The following GSE1 variants were observed in gnomAD, a reference collection of about 807,000 sequenced individuals.
GSE1 encodes the protein genetic suppressor element 1.
A neutral mutation model predicts 112.6 loss-of-function variants in GSE1; 32 were observed. The observed-to-expected ratio is 0.28, with a 90% CI of 0.21 to 0.38. The LOEUF (loss-of-function observed/expected upper bound fraction) is 0.38, where lower values mean the gene tolerates loss of function less well. Ranked by LOEUF, GSE1 falls within the 10% of genes least tolerant of loss-of-function variation. GSE1 has a pLI of 1.00. For missense variants in GSE1, 2,348 were observed against 1,699.2 expected (o/e 1.38, Z -6.71); for synonymous variants, 1,115 against 735.6 (o/e 1.52, Z -8.35).
At chr16:85,209,652 G>T (rs2075190314) in intron 1 of GSE1, among the ~76,000 whole-genome samples, 1 of 152,204 alleles carries the variant, frequency 6.6e-6, no homozygotes, top group African/African-American at 2.4e-5. Flanking sequence ...TTCCCCGGCT[G>T]CTCAGCCCAC....
intron 1 of GSE1, among the ~76,000 whole-genome samples, chr16:85,297,264 T>C (rs894396527): frequency 3.3e-5 from 5 of 152,144 alleles, no homozygotes; most frequent in South Asian, 2.1e-4. Flanking sequence ...GCGTTGAAAA[T>C]TGGGGCTCAC....
At chr16:85,170,801 TCTC>T (rs1363830087) in exon 1 of GSE1, 4 of 985,360 alleles carry the variant, frequency 4.1e-6, no homozygotes, top group African/African-American at 3.5e-5. Flanking sequence ...GCCAGCTGCT[TCTC>T]CTCCCTCACG....
chr16:85,639,979 G>A (rs1320924638), intron 2 of GSE1, among the ~76,000 whole-genome samples: 2 of 152,184 alleles, frequency 1.3e-5, no homozygotes, highest in East Asian at 3.9e-4. Flanking sequence ...AAACAGTTGG[G>A]GGCGATCGTG....
chr16:85,325,055 C>T (rs558424631), intron 1 of GSE1, among the ~76,000 whole-genome samples: 10 of 152,274 alleles, frequency 6.6e-5, no homozygotes, highest in African/African-American at 2.2e-4. Context: ...ACAACCTCGA[C>T]CTCCTGGACT....
chr16:85,231,252 G>GGGAT (rs199974392), intron 1 of GSE1, among the ~76,000 whole-genome samples: 2 of 148,088 alleles, frequency 1.4e-5, no homozygotes, highest in African/African-American at 5.0e-5. Context: ...GCTGGACAGA[G>GGGAT]GGATGGATGG....
At chr16:85,565,539 C>T (rs1053376571) in intron 1 of GSE1, among the ~76,000 whole-genome samples, 8 of 152,294 alleles carry the variant, frequency 5.3e-5, no homozygotes, top group East Asian at 1.9e-4. Flanking sequence ...CCCACACCGG[C>T]GAGGGGCCCA....
chr16:85,294,463 G>A lies in GSE1; in HGVS notation c.2284-63000G>A, dbSNP rs191398307. 5.4e-3 allele frequency among the ~76,000 whole-genome samples: 820 copies of A among 152,290 alleles called. 3 individuals carry two copies. Among genetic ancestry groups the A allele is most frequent in the Non-Finnish European group, 9.9e-3 (672 of 68,038 alleles). On this transcript the variant is annotated intron_variant, in intron 1 of 2. Coordinates refer to the GSE1 transcript ENST00000637419. ...GTTCGTGTTCCGTCAATGGAGGGAG[G>A]TTGGTTCCAGGTTCTGCTATTACAG...
chr16:85,358,499 A>T (rs894011333), intron 2 of GSE1, among the ~76,000 whole-genome samples: 6 of 151,126 alleles, frequency 4.0e-5, no homozygotes, highest in African/African-American at 1.5e-4. Context: ...GGTGCCAACC[A>T]CAGTGAGGGC....
chr16:85,523,533 G>A (rs761303322), intron 2 of GSE1, among the ~76,000 whole-genome samples: 13 of 152,186 alleles, frequency 8.5e-5, no homozygotes, highest in Non-Finnish European at 1.8e-4. Context: ...CCAGGGCTGG[G>A]GCCAGGAAGG....
intron 2 of GSE1, among the ~76,000 whole-genome samples, chr16:85,422,843 C>A (rs966881434): frequency 2.6e-5 from 4 of 152,124 alleles, no homozygotes; most frequent in African/African-American, 9.7e-5. Context: ...GCGGCTGAAC[C>A]CTCTGGCTGC....
intron 2 of GSE1, among the ~76,000 whole-genome samples, chr16:85,503,260 G>C (rs368115960): frequency 1.3e-5 from 2 of 152,208 alleles, no homozygotes; most frequent in Non-Finnish European, 2.9e-5. Flanking sequence ...GTCACCACAC[G>C]GGTGTCTCAC....
At chr16:85,340,538 G>A (rs1301602564) in intron 1 of GSE1, among the ~76,000 whole-genome samples, 1 of 152,218 alleles carries the variant, frequency 6.6e-6, no homozygotes, top group Non-Finnish European at 1.5e-5. Flanking sequence ...ACACTCGGGA[G>A]GCTGAGGCAG....
At chr16:85,630,642 A>G (rs1016438524) in intron 1 of GSE1, among the ~76,000 whole-genome samples, 20 of 152,148 alleles carry the variant, frequency 1.3e-4, no homozygotes, top group Non-Finnish European at 1.8e-4. Flanking sequence ...TTACAGTTCA[A>G]CGTATCTTAG....
Position 85,379,318 on chromosome 16 carries a change from C to T in GSE1, c.2464+21675C>T, listed in dbSNP as rs889885493. Among the ~76,000 whole-genome samples, 6 of 152,216 alleles carry T rather than the reference C, an allele frequency of 3.9e-5. No homozygotes were observed. In the South Asian group the frequency reaches 8.3e-4, roughly 21 times the overall value. ...CTTCCAGAAAGGCAGAGTTTCCATCCGTTTTGCTCCTCTCCATCACCCCCA... is the reference window on the plus strand; with the variant it reads ...CTTCCAGAAAGGCAGAGTTTCCATCTGTTTTGCTCCTCTCCATCACCCCCA... On this transcript the variant is annotated intron_variant, in intron 2 of 2. Coordinates refer to the GSE1 transcript ENST00000637419.
At chr16:85,568,457 G>A (rs992382235) in intron 1 of GSE1, among the ~76,000 whole-genome samples, 3 of 152,250 alleles carry the variant, frequency 2.0e-5, no homozygotes, top group Non-Finnish European at 4.4e-5. Context: ...GGGAAGATGG[G>A]AGTGCCTTTT....
chr16:85,655,134 C>T, intron 5 of GSE1, 143 bp downstream of exon 5: 1 of 656,482 alleles, frequency 1.5e-6, no homozygotes, highest in Non-Finnish European at 2.7e-6. Context: ...TCGTCCCCAG[C>T]TTTGAGCCTA....
chr16:85,170,300 T>A (rs1597706284), exon 1 of GSE1: 1 of 984,952 alleles, frequency 1.0e-6, no homozygotes, highest in African/African-American at 1.8e-5. Context: ...CGGAAGGGGG[T>A]TGGGAGGCAC....
At chr16:85,350,746 TC>T (rs1353859533) in intron 1 of GSE1, among the ~76,000 whole-genome samples, 1 of 152,200 alleles carries the variant, frequency 6.6e-6, no homozygotes, top group Non-Finnish European at 1.5e-5. Flanking sequence ...ATTTCCTCCG[TC>T]ATTCCTCTTG....
At chr16:85,334,212 C>T (rs549329272) in intron 1 of GSE1, among the ~76,000 whole-genome samples, 26 of 152,324 alleles carry the variant, frequency 1.7e-4, no homozygotes, top group Non-Finnish European at 2.1e-4. Context: ...CTACTGCCCA[C>T]GGACCTTGCA....
Sources: allele counts gnomAD v4.1 joint callset (sites outside exome capture counted in the v4.1 genomes callset), GRCh38; gene constraint gnomAD v4.1.1; transcripts MANE v1.5; gene names NCBI Gene and HGNC (gene_info 2026-07-23, HGNC 2026-07-21).